The following SPIDR variants were observed in gnomAD, a reference collection of about 807,000 sequenced individuals.
SPIDR encodes DNA repair-scaffolding protein.
Under a neutral mutation model 104.6 loss-of-function variants are expected in SPIDR, and 93 were observed. The observed-to-expected ratio is 0.89, with a 90% CI of 0.75 to 1.06. SPIDR has a LOEUF of 1.06. Among genes scored for constraint, SPIDR ranks in the 50% least tolerant of loss-of-function variants. SPIDR has a pLI of 0.00. For synonymous variants in SPIDR, 431 were observed against 416.9 expected, an observed-to-expected ratio of 1.03 and a Z score of -0.41; for missense variants, 1,154 against 1,111.2, an observed-to-expected ratio of 1.04 and a Z score of -0.55.
intron 8 of SPIDR, among the ~76,000 whole-genome samples, chr8:47,594,702 G>T (rs2061452068): frequency 6.6e-6 from 1 of 152,002 alleles, no homozygotes; most frequent in Admixed American, 6.6e-5. Context: ...GAGGCAAAAA[G>T]AAAACCCAGG....
At chr8:47,373,550 G>A (rs1423226922) in intron 5 of SPIDR, among the ~76,000 whole-genome samples, 2 of 151,870 alleles carry the variant, frequency 1.3e-5, no homozygotes, top group Non-Finnish European at 2.9e-5. Context: ...TACATGTGCA[G>A]AACATGCAGT....
intron 8 of SPIDR, among the ~76,000 whole-genome samples, chr8:47,484,983 C>T (rs1387919017): frequency 6.6e-6 from 1 of 152,140 alleles, no homozygotes; most frequent in Non-Finnish European, 1.5e-5. Context: ...CTCACTTGGG[C>T]TTGTCGGACA....
intron 5 of SPIDR, among the ~76,000 whole-genome samples, chr8:47,379,559 C>A (rs2059078505): frequency 6.6e-6 from 1 of 152,096 alleles, no homozygotes; most frequent in Admixed American, 6.6e-5. Context: ...AAGAGCTTTT[C>A]ATTAAAATGA....
chr8:47,465,054 G>A (rs368443411), intron 8 of SPIDR, among the ~76,000 whole-genome samples: 4 of 152,100 alleles, frequency 2.6e-5, no homozygotes, highest in Admixed American at 6.5e-5. Flanking sequence ...ATGAGCCACC[G>A]GGCCTGACCA....
chr8:47,465,153 T>C (rs570821030), intron 8 of SPIDR, among the ~76,000 whole-genome samples: 3 of 152,164 alleles, frequency 2.0e-5, no homozygotes, highest in Non-Finnish European at 4.4e-5. Context: ...AGGATCCTTT[T>C]CAGACAAGCA....
chr8:47,682,285 A>C (rs1202674279), intron 11 of SPIDR, among the ~76,000 whole-genome samples: 6 of 151,220 alleles, frequency 4.0e-5, no homozygotes, highest in African/African-American at 1.5e-4. Flanking sequence ...ACCCAGACAC[A>C]AAAGGTCTCA....
chr8:47,452,619 T>C (rs1259078430), intron 8 of SPIDR, among the ~76,000 whole-genome samples: 2 of 152,188 alleles, frequency 1.3e-5, no homozygotes, highest in African/African-American at 4.8e-5. Flanking sequence ...AACCACATCA[T>C]TATCTCAATA....
intron 5 of SPIDR, among the ~76,000 whole-genome samples, chr8:47,365,913 G>C (rs539673960): frequency 1.1e-4 from 16 of 152,098 alleles, no homozygotes; most frequent in Non-Finnish European, 2.4e-4. Flanking sequence ...TTAATTTCTT[G>C]TGTGTGCTGC....
chr8:47,405,956 C>T (rs1300592805), intron 6 of SPIDR, among the ~76,000 whole-genome samples: 1 of 152,168 alleles, frequency 6.6e-6, no homozygotes, highest in Admixed American at 6.5e-5. Context: ...CTGAGGGCTC[C>T]AGATACTGCT....
chr8:47,550,358 G>T lies in SPIDR; in HGVS notation c.1098-45453G>T, dbSNP rs185511839. 5.7e-3 allele frequency among the ~76,000 whole-genome samples: 864 copies of T among 152,236 alleles called. 6 individuals are homozygous for T. The highest frequency in any genetic ancestry group is 0.01 in the Non-Finnish European group (684 of 68,014). ...TTGAATCTATAAATTACCTTGGGCAGTATGGCCATTTTCACGATATTGATT... is the reference window on the plus strand; with the variant it reads ...TTGAATCTATAAATTACCTTGGGCATTATGGCCATTTTCACGATATTGATT... On this transcript the variant is annotated intron_variant, in intron 8 of 19. Transcript: ENST00000297423.
At chr8:47,430,384 C>T (rs2067148373) in intron 7 of SPIDR, among the ~76,000 whole-genome samples, 2 of 152,112 alleles carry the variant, frequency 1.3e-5, no homozygotes, top group Non-Finnish European at 2.9e-5. Flanking sequence ...TTCCACCCAA[C>T]TTAGGATGAA....
At position 47,599,067 on chromosome 8, in the gene SPIDR, A is replaced by G; in HGVS notation, c.1415A>G (p.Gln472Arg). 1 of 1,613,020 alleles carries G rather than the reference A, an allele frequency of 6.2e-7. No individual in the cohort carries two copies. The highest frequency in any genetic ancestry group is 8.5e-7 in the Non-Finnish European group (1 of 1,179,466). Residue 472 changes from glutamine (Q) to arginine (R), a missense_variant, in exon 10 of 20, where the codon CAG becomes CGG. Gln to Arg is a conservative substitution (Grantham distance 43). Transcript: ENST00000297423. ...TCTCTCCTGGATGTGGTGGAAAGCCAGGGAGCTGCCTCGTGGCCAGGAGCT... is the reference window on the plus strand; with the variant it reads ...TCTCTCCTGGATGTGGTGGAAAGCCGGGGAGCTGCCTCGTGGCCAGGAGCT... ...RDSLLDVVES[Q>R]GAASWPGAGV...
chr8:47,649,821 A>C (rs2154454832), intron 10 of SPIDR, among the ~76,000 whole-genome samples: 1 of 152,362 alleles, frequency 6.6e-6, no homozygotes, highest in East Asian at 1.9e-4. Context: ...GTCAATAAAT[A>C]TGATACATCA....
At chr8:47,380,181 C>T (rs1027402031) in intron 5 of SPIDR, among the ~76,000 whole-genome samples, 6 of 151,756 alleles carry the variant, frequency 4.0e-5, no homozygotes, top group Non-Finnish European at 8.8e-5. Context: ...AGTCGATGAC[C>T]TCTCAGCCTG....
intron 7 of SPIDR, among the ~76,000 whole-genome samples, chr8:47,436,065 C>T (rs2068255982): frequency 6.6e-6 from 1 of 152,112 alleles, no homozygotes; most frequent in Non-Finnish European, 1.5e-5. Flanking sequence ...CTTGAAAATG[C>T]CTTGAAGAGC....
At chr8:47,664,981 A>T (rs916909582) in intron 10 of SPIDR, among the ~76,000 whole-genome samples, 1 of 152,146 alleles carries the variant, frequency 6.6e-6, no homozygotes, top group African/African-American at 2.4e-5. Context: ...AAAATGTTGG[A>T]CATGATTAAG....
At chr8:47,415,895 C>A (rs2064189480) in intron 7 of SPIDR, among the ~76,000 whole-genome samples, 1 of 152,188 alleles carries the variant, frequency 6.6e-6, no homozygotes, top group South Asian at 2.1e-4. Flanking sequence ...TTTATAGCCA[C>A]AGTCATCTCT....
At chr8:47,555,844 A>G (rs2091261998) in intron 8 of SPIDR, among the ~76,000 whole-genome samples, 1 of 152,246 alleles carries the variant, frequency 6.6e-6, no homozygotes, top group Non-Finnish European at 1.5e-5. Flanking sequence ...ACCACACTGT[A>G]ATTTCCAGCA....
At chr8:47,688,268 G>A (rs1015154139) in intron 11 of SPIDR, among the ~76,000 whole-genome samples, 2 of 151,968 alleles carry the variant, frequency 1.3e-5, no homozygotes, top group African/African-American at 2.4e-5. Context: ...GACTACAGGC[G>A]CCCGCCACCA....
Sources: allele counts gnomAD v4.1 joint callset (sites outside exome capture counted in the v4.1 genomes callset), GRCh38; gene constraint gnomAD v4.1.1; transcripts MANE v1.5; gene names NCBI Gene and HGNC (gene_info 2026-07-23, HGNC 2026-07-21).